EIF4EBP1: variants seen among roughly 807,000 people sequenced by gnomAD.
EIF4EBP1 encodes the protein eukaryotic translation initiation factor 4E binding protein 1.
In EIF4EBP1, 5 loss-of-function variants were observed where a neutral mutation model predicts 9.2. The ratio of observed to expected loss-of-function variants is 0.54; its 90% CI spans 0.28 to 1.14. The LOEUF is 1.14. EIF4EBP1 is among the 50% of genes most tolerant of loss of function. EIF4EBP1 has a pLI of 0.09. For missense variants in EIF4EBP1, 139 were observed against 169.6 expected, an observed-to-expected ratio of 0.82 and a Z score of 1.00; for synonymous variants, 62 against 67.0, an observed-to-expected ratio of 0.93 and a Z score of 0.36.
At position 38,049,530 on chromosome 8, in the gene EIF4EBP1, G is replaced by A. The variant is rs117794176; in HGVS notation, c.146-7551G>A. On this transcript the variant is annotated intron_variant, in intron 1 of 2. Coordinates refer to ENST00000338825, the MANE Select transcript of EIF4EBP1 (RefSeq NM_004095.4). ...AGGTTCTCGCTCTGTCCCCCAGGCCGGAGTGCAGTAGCGTGATCTCAACTC... is the reference window on the plus strand; with the variant it reads ...AGGTTCTCGCTCTGTCCCCCAGGCCAGAGTGCAGTAGCGTGATCTCAACTC... Among the ~76,000 whole-genome samples, 1,149 of 148,816 alleles carry A rather than the reference G, an allele frequency of 7.7e-3. 6 individuals carry two copies. Among genetic ancestry groups the A allele is most frequent in the Non-Finnish European group, 0.013 (867 of 67,562 alleles).
intron 1 of EIF4EBP1, among the ~76,000 whole-genome samples, chr8:38,034,665 G>A (rs564797289): frequency 5.3e-5 from 8 of 152,296 alleles, no homozygotes; most frequent in Non-Finnish European, 8.8e-5. Context: ...AGGTGAATCC[G>A]AGGTGAGCAG....
At chr8:38,032,153 G>A (rs900008579) in intron 1 of EIF4EBP1, among the ~76,000 whole-genome samples, 1 of 152,206 alleles carries the variant, frequency 6.6e-6, no homozygotes, top group East Asian at 1.9e-4. Flanking sequence ...GAAGGCGCAG[G>A]TAGCCCTTTT....
chr8:38,043,584 G>A (rs374214832), intron 1 of EIF4EBP1, among the ~76,000 whole-genome samples: 2 of 151,912 alleles, frequency 1.3e-5, no homozygotes, highest in South Asian at 2.1e-4. Context: ...GACCTCAGGC[G>A]ATCCACCTGC....
chr8:38,037,313 T>A (rs1563414473), intron 1 of EIF4EBP1, among the ~76,000 whole-genome samples: 1 of 151,928 alleles, frequency 6.6e-6, no homozygotes, highest in Non-Finnish European at 1.5e-5. Context: ...AGTTTTCTTA[T>A]TTTATTTATT....
intron 1 of EIF4EBP1, among the ~76,000 whole-genome samples, chr8:38,032,424 C>G (rs1809237675): frequency 6.6e-6 from 1 of 152,126 alleles, no homozygotes; most frequent in Non-Finnish European, 1.5e-5. Context: ...TCGCTTGAGC[C>G]CAGGAGTTGG....
At chr8:38,052,669 G>C (rs1035757144) in intron 1 of EIF4EBP1, among the ~76,000 whole-genome samples, 9 of 151,196 alleles carry the variant, frequency 6.0e-5, no homozygotes, top group Non-Finnish European at 1.3e-4. Flanking sequence ...AGTGAGCCGA[G>C]ATCGCACCAC....
At position 38,060,058 on chromosome 8, in the gene EIF4EBP1, C is replaced by A; in HGVS notation, c.*123C>A. 1.0e-6 allele frequency: 1 copy of A among 974,814 alleles called. No individual in the cohort carries two copies. Among genetic ancestry groups the A allele is most frequent in the Non-Finnish European group, 1.6e-6 (1 of 609,020 alleles). 60.4% of individuals were successfully genotyped at this position (974,814 alleles called of 1,614,324 possible). On this transcript the variant is annotated 3_prime_UTR_variant, in exon 3 of 3. Transcript: ENST00000338825. ...CAGGCGTTGGCGTGGGGTCGGACAC[C>A]CCAGCCCTTTCTCCCTCACTCAGGG...
rs139013001 is a variant in EIF4EBP1, at chr8:38,037,380, G to A, written c.145+6662G>A. ...CGCCCAGGCTGGAGTGCAGTGGCAT[G>A]ATCTCAGCTCACTGCAACCTCCACC... On this transcript the variant is annotated intron_variant, in intron 1 of 2. Coordinates refer to ENST00000338825, the MANE Select transcript of EIF4EBP1 (RefSeq NM_004095.4). Among the ~76,000 whole-genome samples, 1,479 of 152,142 alleles carry A rather than the reference G, an allele frequency of 9.7e-3. 25 individuals are homozygous for A. Among genetic ancestry groups the A allele is most frequent in the African/African-American group, 0.034 (1,404 of 41,496 alleles).
At chr8:38,033,357 C>G (rs534998690) in intron 1 of EIF4EBP1, among the ~76,000 whole-genome samples, 2 of 151,808 alleles carry the variant, frequency 1.3e-5, no homozygotes, top group African/African-American at 4.8e-5. Flanking sequence ...CGTGAGTCAC[C>G]ATGCCCGGCC....
intron 1 of EIF4EBP1, among the ~76,000 whole-genome samples, chr8:38,031,609 C>T (rs1423287172): frequency 6.6e-6 from 1 of 152,180 alleles, no homozygotes; most frequent in Non-Finnish European, 1.5e-5. Flanking sequence ...TTCTCCTCCA[C>T]GCTGCTTTCC....
intron 1 of EIF4EBP1, among the ~76,000 whole-genome samples, chr8:38,056,701 T>C (rs1809599521): frequency 6.6e-6 from 1 of 151,300 alleles, no homozygotes; most frequent in Non-Finnish European, 1.5e-5. Context: ...AGTCTCGCTC[T>C]GTTACCCAGG....
chr8:38,049,848 C>T (rs1809495662), intron 1 of EIF4EBP1, among the ~76,000 whole-genome samples: 1 of 152,014 alleles, frequency 6.6e-6, no homozygotes, highest in Non-Finnish European at 1.5e-5. Context: ...GACTTCCTGC[C>T]ATCCAATATT....
intron 1 of EIF4EBP1, among the ~76,000 whole-genome samples, chr8:38,036,126 C>A (rs915789165): frequency 5.3e-5 from 8 of 151,934 alleles, no homozygotes; most frequent in Non-Finnish European, 1.0e-4. Context: ...CTGCCTCGGC[C>A]TCCCGAGTAG....
intron 2 of EIF4EBP1, 21 bp from the exon 3 acceptor site, chr8:38,059,883 C>T (rs758353071): frequency 1.4e-6 from 2 of 1,458,838 alleles, no homozygotes; most frequent in Admixed American, 4.2e-5. Context: ...TGACCTGGCC[C>T]TCTGTCCCCT....
chr8:38,058,847 G>A (rs1809631595), intron 2 of EIF4EBP1, among the ~76,000 whole-genome samples: 1 of 152,214 alleles, frequency 6.6e-6, no homozygotes, highest in Non-Finnish European at 1.5e-5. Context: ...ACTCTGGGAG[G>A]CTGAGGCAGG....
At position 38,056,774 on chromosome 8, in the gene EIF4EBP1, C is replaced by T. The variant is rs1809600649; in HGVS notation, c.146-307C>T. On this transcript the variant is annotated intron_variant, in intron 1 of 2. Transcript: ENST00000338825. ...TGCCTCCCAGGTTCAAGTGATTCTC[C>T]TGCCCCAGCCTCCTGAGTAGCTGGG... Among the ~76,000 whole-genome samples, 3 of 151,828 alleles carry T rather than the reference C, an allele frequency of 2.0e-5. No individual in the cohort carries two copies. In the South Asian group the frequency reaches 6.2e-4, roughly 32 times the overall value.
At chr8:38,037,142 A>G (rs1809314719) in intron 1 of EIF4EBP1, among the ~76,000 whole-genome samples, 1 of 151,976 alleles carries the variant, frequency 6.6e-6, no homozygotes, top group Non-Finnish European at 1.5e-5. Context: ...AATGAATCAC[A>G]CGTTTTTGTT....
intron 1 of EIF4EBP1, chr8:38,047,327 G>C (rs1268146952): frequency 1.1e-4 from 17 of 152,150 alleles, no homozygotes. Context: ...CAGTGAGTAA[G>C]TAAATGAGAC....
At chr8:38,045,721 G>C (rs186511940) in intron 1 of EIF4EBP1, among the ~76,000 whole-genome samples, 42 of 151,884 alleles carry the variant, frequency 2.8e-4, no homozygotes, top group Admixed American at 8.6e-4. Flanking sequence ...TAATAATAAT[G>C]ATAATTAATT....
Sources: gnomAD v4.1 joint callset for allele counts (sites outside exome capture counted in the v4.1 genomes callset) on GRCh38, gnomAD v4.1.1 for gene constraint, MANE v1.5 for transcripts, NCBI Gene and HGNC (gene_info 2026-07-23, HGNC 2026-07-21) for gene names.